Variants in CUL5 observed in about 807,000 individuals in gnomAD.
CUL5 encodes the protein cullin-5.
CUL5 carries 26 observed loss-of-function variants against 108.8 expected under a neutral mutation model. That is an observed-to-expected ratio of 0.24 (90% CI 0.18 to 0.33). The LOEUF (loss-of-function observed/expected upper bound fraction) is 0.33. Ranked by LOEUF, CUL5 falls within the 10% of genes least tolerant of loss-of-function variation. CUL5 has a pLI of 1.00. For missense variants in CUL5, 524 were observed against 909.2 expected (o/e 0.58, Z 5.45); for synonymous variants, 334 against 298.0 (o/e 1.12, Z -1.25).
chr11:108,089,661 A>G, intron 13 of CUL5, 38 bp downstream of exon 13: 1 of 1,156,828 alleles, frequency 8.6e-7, no homozygotes, highest in Non-Finnish European at 1.2e-6. Context: ...TTTCTAATAC[A>G]TTACATCATT....
rs755768427 is a variant in CUL5, at chr11:108,070,152, T to C, written c.837T>C (p.Ala279=). The change falls in exon 8 of 19, where the codon GCT becomes GCC. Residue 279 remains alanine, a synonymous_variant. Coordinates refer to ENST00000393094, the MANE Select transcript of CUL5 (RefSeq NM_003478.6). ...CATCATTTAAAGAGACTATCTTAGCTGAGTGCCAAGGCATGATCAAGAGAA... is the reference window on the plus strand; with the variant it reads ...CATCATTTAAAGAGACTATCTTAGCCGAGTGCCAAGGCATGATCAAGAGAA... ...LVTSFKETIL[A]ECQGMIKRNE... 5 of 1,612,584 alleles carry C rather than the reference T, an allele frequency of 3.1e-6. No individual in the cohort carries two copies.
At chr11:108,016,555 T>G (rs1364006264) in intron 1 of CUL5, among the ~76,000 whole-genome samples, 1 of 152,188 alleles carries the variant, frequency 6.6e-6, no homozygotes, top group Non-Finnish European at 1.5e-5. Flanking sequence ...TACTTGAGGT[T>G]TCTCTTAATA....
intron 7 of CUL5, among the ~76,000 whole-genome samples, chr11:108,063,386 C>CT (rs1863592888): frequency 6.6e-6 from 1 of 151,952 alleles, no homozygotes; most frequent in African/African-American, 2.4e-5. Flanking sequence ...GGATCTCATT[C>CT]TTTTTTTATG....
At chr11:108,047,340 G>C (rs1426167794) in intron 3 of CUL5, among the ~76,000 whole-genome samples, 1 of 152,040 alleles carries the variant, frequency 6.6e-6, no homozygotes, top group East Asian at 1.9e-4. Flanking sequence ...AAACAAAAAG[G>C]TCTGGTCTGA....
intron 11 of CUL5, 148 bp from the exon 12 acceptor site, chr11:108,088,379 C>A: frequency 1.4e-6 from 1 of 727,702 alleles, no homozygotes; most frequent in Non-Finnish European, 2.1e-6. Flanking sequence ...CTAAATTAGG[C>A]ACCCTAGGAT....
At chr11:108,077,901 A>G (rs1863980607) in intron 10 of CUL5, among the ~76,000 whole-genome samples, 1 of 152,070 alleles carries the variant, frequency 6.6e-6, no homozygotes, top group Non-Finnish European at 1.5e-5. Flanking sequence ...GTGAGTGGAG[A>G]TCATGCCACT....
chr11:108,078,734 A>G (rs3858397), intron 11 of CUL5, among the ~76,000 whole-genome samples: 145,517 of 152,192 alleles, frequency 0.96, 69,771 homozygotes, highest in East Asian at 1. Flanking sequence ...AAGGTTAGTT[A>G]AAAAAAGTCT....
chr11:108,075,431 A>G (rs1470505555), intron 10 of CUL5, among the ~76,000 whole-genome samples: 1 of 152,210 alleles, frequency 6.6e-6, no homozygotes, highest in Non-Finnish European at 1.5e-5. Flanking sequence ...CTTTGGGTGC[A>G]TGTGCAGATA....
chr11:108,057,422 A>G (rs1863412744), intron 7 of CUL5, among the ~76,000 whole-genome samples: 1 of 152,224 alleles, frequency 6.6e-6, no homozygotes, highest in Non-Finnish European at 1.5e-5. Context: ...TGAAGACACC[A>G]TCTTAATTAA....
At chr11:108,071,214 A>C (rs1400339062) in intron 8 of CUL5, among the ~76,000 whole-genome samples, 1 of 152,202 alleles carries the variant, frequency 6.6e-6, no homozygotes, top group Non-Finnish European at 1.5e-5. Context: ...TTATGAAATA[A>C]ACTAATCTTG....
chr11:108,044,772 A>AT (rs1192087153), intron 2 of CUL5, among the ~76,000 whole-genome samples: 1 of 150,156 alleles, frequency 6.7e-6, no homozygotes, highest in African/African-American at 2.5e-5. Context: ...TATTATTATT[A>AT]TTTTTTTGAG....
Position 108,104,435 on chromosome 11 carries a change from C to A in CUL5, c.*51C>A. 1 of 1,175,906 alleles carries A rather than the reference C, an allele frequency of 8.5e-7. No homozygotes were observed. Among genetic ancestry groups the A allele is most frequent in the South Asian group, 1.8e-5 (1 of 55,904 alleles). The allele number at this position is 1,175,906 out of a possible 1,614,324, so 72.8% of individuals were successfully genotyped here. A position where few individuals can be genotyped will look rare whatever the true frequency, so the allele number is the denominator to read the frequency against. On this transcript the variant is annotated 3_prime_UTR_variant, in exon 19 of 19. Transcript: ENST00000393094. ...GAACCCAAATTTTGGAGTGCTTGGGCAGAAAGTTGTAAAGTTTGTGCTGGA... is the reference window on the plus strand; with the variant it reads ...GAACCCAAATTTTGGAGTGCTTGGGAAGAAAGTTGTAAAGTTTGTGCTGGA...
intron 17 of CUL5, among the ~76,000 whole-genome samples, chr11:108,098,127 A>G (rs533325683): frequency 1.7e-3 from 254 of 152,296 alleles, no homozygotes; most frequent in Non-Finnish European, 2.5e-3. Context: ...CCTAACCCAT[A>G]TATCTTCAAT....
intron 15 of CUL5, among the ~76,000 whole-genome samples, 162 bp from the exon 16 acceptor site, chr11:108,095,368 C>T (rs184472574): frequency 7.8e-4 from 118 of 152,246 alleles, no homozygotes; most frequent in South Asian, 1.2e-3. Flanking sequence ...GGGAGATGAG[C>T]GTGTATTCTG....
At chr11:108,043,626 T>C (rs1171571390) in intron 2 of CUL5, among the ~76,000 whole-genome samples, 1 of 152,232 alleles carries the variant, frequency 6.6e-6, no homozygotes, top group Non-Finnish European at 1.5e-5. Flanking sequence ...GGCTCCACCA[T>C]AAACTTAACT....
At chr11:108,104,149 T>C in intron 18 of CUL5, 41 bp from the exon 19 acceptor site, 2 of 1,318,312 alleles carry the variant, frequency 1.5e-6, no homozygotes, top group Non-Finnish European at 2.1e-6. Flanking sequence ...TTAAAATAAT[T>C]TCGTATATTA....
intron 4 of CUL5, among the ~76,000 whole-genome samples, chr11:108,052,144 T>G (rs1863243308): frequency 6.6e-6 from 1 of 152,074 alleles, no homozygotes; most frequent in African/African-American, 2.4e-5. Flanking sequence ...TTTTGTATTT[T>G]TTGTTGTTGT....
At chr11:108,046,415 A>T in intron 3 of CUL5, 46 bp downstream of exon 3, 1 of 1,040,746 alleles carries the variant, frequency 9.6e-7, no homozygotes, top group Non-Finnish European at 1.4e-6. Flanking sequence ...AACTACTCAG[A>T]TAATATCATA....
At chr11:108,010,654 GCCTGGCACTTA>G in intron 1 of CUL5, among the ~76,000 whole-genome samples, 1 of 152,298 alleles carries the variant, frequency 6.6e-6, no homozygotes, top group South Asian at 2.1e-4. Flanking sequence ...TTAAAACAGT[GCCTGGCACTTA>G]ATTAGTATAA....
Sources: allele counts gnomAD v4.1 joint callset (sites outside exome capture counted in the v4.1 genomes callset), GRCh38; gene constraint gnomAD v4.1.1; transcripts MANE v1.5; gene names NCBI Gene and HGNC (gene_info 2026-07-23, HGNC 2026-07-21).